The following EMC3 variants were observed in gnomAD, a reference collection of about 807,000 sequenced individuals.
The protein encoded by EMC3 is 30 kDa protein.
Under a neutral mutation model 36.6 loss-of-function variants are expected in EMC3, and 13 were observed. The ratio of observed to expected loss-of-function variants is 0.35; its 90% confidence interval spans 0.23 to 0.56. The LOEUF (loss-of-function observed/expected upper bound fraction) is 0.56, where lower values mean the gene tolerates loss of function less well. Among genes scored for constraint, EMC3 ranks in the 20% least tolerant of loss-of-function variants. The pLI is 0.84. For synonymous variants in EMC3, 120 were observed against 111.9 expected (o/e 1.07, Z -0.46); for missense variants, 220 against 324.5 (o/e 0.68, Z 2.47).
upstream of EMC3, chr3:9,988,150 G>T (rs2086001374): frequency 3.7e-6 from 2 of 547,038 alleles, no homozygotes; most frequent in Non-Finnish European, 6.6e-6. Context: ...GTATTATATC[G>T]TTTTTCAAAT....
chr3:9,990,898 G>A (rs766335951), upstream of EMC3, among the ~76,000 whole-genome samples: 1 of 151,554 alleles, frequency 6.6e-6, no homozygotes, highest in African/African-American at 2.4e-5. Flanking sequence ...GCACGATCTC[G>A]GCTCACTGCA....
chr3:9,969,449 C>T, intron 7 of EMC3: 2 of 1,336,730 alleles, frequency 1.5e-6, no homozygotes, highest in Non-Finnish European at 9.6e-7. Context: ...GTTTACCTGG[C>T]ACCTCCGATT....
At chr3:9,981,851 T>G (rs2085914930) in intron 1 of EMC3, 5 of 354,568 alleles carry the variant, frequency 1.4e-5, no homozygotes, top group South Asian at 1.0e-4. Context: ...ATTTGTCAAG[T>G]CTGAGAACCA....
At chr3:9,985,263 A>G (rs1314049744) in intron 1 of EMC3, among the ~76,000 whole-genome samples, 1 of 152,256 alleles carries the variant, frequency 6.6e-6, no homozygotes, top group Non-Finnish European at 1.5e-5. Context: ...AGTAGAAACA[A>G]AACAACATTA....
chr3:10,003,102 T>G (rs1354046039), intron 1 of EMC3: 1 of 456,402 alleles, frequency 2.2e-6, no homozygotes, highest in Non-Finnish European at 4.4e-6. Flanking sequence ...GCAGCAGTGG[T>G]GCAGACCCAG....
rs1255384483 is a variant in EMC3 at position 9,973,631 on chromosome 3, G to C, written c.491C>G (p.Ser164Cys). 1 of 1,613,696 alleles carries C rather than the reference G, an allele frequency of 6.2e-7. No homozygotes were observed. The highest frequency in any genetic ancestry group is 8.5e-7 in the Non-Finnish European group (1 of 1,179,710). Reference sequence around the variant, plus strand: ...TTAAACAAAAGAAAGTTCTTACCAGGATGCATCTAATGTGAGTAGCTCGAT... The same window carrying C: ...TTAAACAAAAGAAAGTTCTTACCAGCATGCATCTAATGTGAGTAGCTCGAT... ...QGIELLTLDASWVSSASWYFL... is the reference protein window; with the variant it reads ...QGIELLTLDACWVSSASWYFL... The change falls in exon 5 of 8, where the codon TCC becomes TGC. Residue 164 changes from serine (S) to cysteine (C), a missense_variant. Around this residue, in one of 3 missense-constraint regions of EMC3, gnomAD observed 56 missense variants for 117.0 expected, o/e 0.48. Coordinates refer to ENST00000245046, the MANE Select transcript of EMC3 (RefSeq NM_001394674.1).
At chr3:9,966,785 G>C (rs2085740219) in intron 7 of EMC3, among the ~76,000 whole-genome samples, 1 of 151,706 alleles carries the variant, frequency 6.6e-6, no homozygotes. Flanking sequence ...ATGTTGGCCA[G>C]GCTGGTCTCA....
chr3:9,987,665 A>G (rs1192092377), upstream of EMC3: 2 of 307,350 alleles, frequency 6.5e-6, no homozygotes, highest in East Asian at 1.6e-4. Context: ...ATTGATCTAT[A>G]TAAGCTGCTA....
At chr3:9,993,546 CTG>C (rs1311034814) in intron 1 of EMC3, among the ~76,000 whole-genome samples, 1 of 151,972 alleles carries the variant, frequency 6.6e-6, no homozygotes, top group Non-Finnish European at 1.5e-5. Context: ...CAGTTCTTTT[CTG>C]TGTTTATTTC....
At chr3:9,985,233 A>T (rs2085957494) in intron 1 of EMC3, among the ~76,000 whole-genome samples, 1 of 152,270 alleles carries the variant, frequency 6.6e-6, no homozygotes, top group Admixed American at 6.5e-5. Context: ...TTGTCACAAA[A>T]AAGAAAGTAA....
intron 1 of EMC3, among the ~76,000 whole-genome samples, chr3:9,978,966 C>A (rs1038348809): frequency 3.9e-5 from 6 of 152,210 alleles, no homozygotes; most frequent in Non-Finnish European, 5.9e-5. Context: ...TCTAGTTTCT[C>A]CACATGCTGG....
chr3:10,001,437 G>A (rs1014221077), intron 1 of EMC3, among the ~76,000 whole-genome samples: 20 of 151,356 alleles, frequency 1.3e-4, no homozygotes, highest in Admixed American at 1.1e-3. Context: ...AATTAGCCGG[G>A]TGTGGTGGTG....
chr3:9,987,383 T>A (rs1369442738), upstream of EMC3: 2 of 807,226 alleles, frequency 2.5e-6, no homozygotes, highest in Non-Finnish European at 3.0e-6. Flanking sequence ...AAGCCTCGGC[T>A]TCCTCATCTG....
chr3:10,005,996 A>G (rs2272121), intron 1 of EMC3, among the ~76,000 whole-genome samples: 53,132 of 152,114 alleles, frequency 0.35, 12,143 homozygotes, highest in African/African-American at 0.65. Context: ...AGAAAGCCAG[A>G]TGTCAGGGCA....
chr3:9,968,976 T>C (rs935116806), intron 7 of EMC3: 2 of 152,314 alleles, frequency 1.3e-5, no homozygotes, highest in Non-Finnish European at 2.9e-5. Context: ...CCCACCACCA[T>C]GCCCAGCAAA....
chr3:9,992,298 T>C (rs1475081673), intron 1 of EMC3, among the ~76,000 whole-genome samples: 1 of 151,968 alleles, frequency 6.6e-6, no homozygotes, highest in East Asian at 1.9e-4. Context: ...TTTTTTTTTG[T>C]ATTTTTTAGT....
chr3:9,981,939 G>C (rs571172962), intron 1 of EMC3, among the ~76,000 whole-genome samples: 1 of 146,924 alleles, frequency 6.8e-6, no homozygotes, highest in African/African-American at 2.6e-5. Context: ...TTTAATACCT[G>C]TTAAAAAAAA....
chr3:10,003,572 G>A (rs562537985), intron 1 of EMC3: 3 of 264,662 alleles, frequency 1.1e-5, no homozygotes, highest in African/African-American at 2.2e-5. Context: ...GCCGTGGCAC[G>A]TTCAGTGAGG....
chr3:9,985,351 A>C (rs1254368807), intron 1 of EMC3, among the ~76,000 whole-genome samples: 1 of 152,206 alleles, frequency 6.6e-6, no homozygotes, highest in East Asian at 1.9e-4. Context: ...ACGAGAAATT[A>C]ATGTGAGAGA....
Sources: gnomAD v4.1 joint callset for allele counts (sites outside exome capture counted in the v4.1 genomes callset) on GRCh38, gnomAD v4.1.1 for gene constraint, gnomAD v4.1.1 regional missense constraint, MANE v1.5 for transcripts, NCBI Gene and HGNC (gene_info 2026-07-23, HGNC 2026-07-21) for gene names.